AKAP12: variants seen among roughly 807,000 people sequenced by gnomAD.
The protein encoded by AKAP12 is A-kinase anchoring protein 12.
In AKAP12, 32 loss-of-function variants were observed where a neutral mutation model predicts 79.9. That is an observed-to-expected ratio of 0.40 (90% CI 0.30 to 0.54). The LOEUF (loss-of-function observed/expected upper bound fraction) is 0.54. Among genes scored for constraint, AKAP12 ranks in the 20% least tolerant of loss-of-function variants. The probability of loss-of-function intolerance (pLI) is 0.48; values close to 1 mark genes in which losing one functional copy is unlikely to be tolerated. For missense variants in AKAP12, 2,074 were observed against 2,177.0 expected (o/e 0.95, Z 0.94); for synonymous variants, 808 against 857.0 (o/e 0.94, Z 1.00).
At chr6:151,282,140 G>A (rs1776422247) in intron 2 of AKAP12, among the ~76,000 whole-genome samples, 1 of 151,990 alleles carries the variant, frequency 6.6e-6, no homozygotes, top group African/African-American at 2.4e-5. Flanking sequence ...CTGGAATGCA[G>A]TGGTGCTATC....
At chr6:151,302,093 C>T (rs1197003350) in intron 2 of AKAP12, among the ~76,000 whole-genome samples, 2 of 151,492 alleles carry the variant, frequency 1.3e-5, no homozygotes, top group Admixed American at 1.3e-4. Context: ...TCGCTGCAAC[C>T]TCCGCCTCCC....
chr6:151,258,926 CTGTGTGTGTGTG>C, intron 2 of AKAP12, among the ~76,000 whole-genome samples: 1 of 148,070 alleles, frequency 6.8e-6, no homozygotes, highest in Non-Finnish European at 1.5e-5. Context: ...TGTGCCCAGC[CTGTGTGTGTGTG>C]TGTGTGTGTG....
At position 151,261,286 on chromosome 6, in the gene AKAP12, C is replaced by T. The variant is rs555465915; in HGVS notation, c.162+20562C>T. ...TCTCAGGAGGCTGAGGCAGGAGAAT[C>T]GTTTGAACCGGGAGGCAGAGGTTGC... is the stretch of plus-strand genomic sequence containing the variant. On this transcript the variant is annotated intron_variant, in intron 2 of 4. Coordinates refer to ENST00000402676, the MANE Select transcript of AKAP12 (RefSeq NM_005100.4). Among the ~76,000 whole-genome samples, 259 of 151,730 alleles carry T rather than the reference C, an allele frequency of 1.7e-3. 1 individual carries two copies. The highest frequency in any genetic ancestry group is 5.7e-3 in the South Asian group (27 of 4,778).
intron 3 of AKAP12, among the ~76,000 whole-genome samples, chr6:151,321,049 CGA>C (rs1045294063): frequency 2.0e-5 from 3 of 151,482 alleles, no homozygotes; most frequent in Admixed American, 1.3e-4. Context: ...TGCAATGACG[CGA>C]TCTCAGCTCA....
At chr6:151,299,824 T>G (rs758317214) in intron 2 of AKAP12, among the ~76,000 whole-genome samples, 26 of 152,096 alleles carry the variant, frequency 1.7e-4, no homozygotes, top group Admixed American at 8.5e-4. Flanking sequence ...AGACTGGGTT[T>G]CAGTTTGTTG....
At chr6:151,291,343 G>C (rs9397044) in intron 2 of AKAP12, among the ~76,000 whole-genome samples, 11,848 of 152,238 alleles carry the variant, frequency 0.078, 618 homozygotes, top group East Asian at 0.17. Flanking sequence ...CTGATGAGTG[G>C]CTTAGCTGAG....
intron 3 of AKAP12, among the ~76,000 whole-genome samples, chr6:151,345,570 G>A (rs979918263): frequency 1.3e-5 from 2 of 150,792 alleles, no homozygotes; most frequent in African/African-American, 2.4e-5. Flanking sequence ...TGAGGTGGGC[G>A]GATCACCTGA....
At chr6:151,333,584 C>T (rs1421545125) in intron 3 of AKAP12, among the ~76,000 whole-genome samples, 1 of 151,842 alleles carries the variant, frequency 6.6e-6, no homozygotes, top group Non-Finnish European at 1.5e-5. Flanking sequence ...AACTCTGTTT[C>T]TACTAAAAAT....
chr6:151,349,313 C>T lies in AKAP12; in HGVS notation c.922C>T (p.Arg308Cys), dbSNP rs759658755. The T allele has an allele frequency of 2.2e-5, 35 of 1,613,458 alleles. No homozygotes were observed. In the South Asian group the frequency reaches 2.3e-4, roughly 11 times the overall value. Residue 308 changes from arginine to cysteine, a missense_variant, in exon 4 of 5, where the codon CGC (arginine) becomes TGC (cysteine). Around this residue, in one of 3 missense-constraint regions of AKAP12, gnomAD observed 1,428 missense variants for 1,451.0 expected, o/e 0.98. Transcript: ENST00000402676. ...CTTCACTCAAGGTTGGGCCGGCTGG[C>T]GCAAAAAGACCAGTTTCAGGAAGCC... ...KFFTQGWAGW[R>C]KKTSFRKPKE...
chr6:151,304,177 A>G (rs1163381140), intron 2 of AKAP12, among the ~76,000 whole-genome samples: 1 of 152,062 alleles, frequency 6.6e-6, no homozygotes, highest in Non-Finnish European at 1.5e-5. Flanking sequence ...TTTTACCTAT[A>G]TTCTCAGGAT....
intron 3 of AKAP12, among the ~76,000 whole-genome samples, chr6:151,309,269 A>G (rs570483977): frequency 1.2e-4 from 19 of 152,362 alleles, no homozygotes; most frequent in Middle Eastern, 3.4e-3. Flanking sequence ...GGCATGTGAC[A>G]CTGACCTGTA....
intron 2 of AKAP12, among the ~76,000 whole-genome samples, chr6:151,259,950 A>G (rs1477945447): frequency 6.6e-6 from 1 of 150,446 alleles, no homozygotes; most frequent in Non-Finnish European, 1.5e-5. Flanking sequence ...AATGAAGGAC[A>G]TGGGATTGGA....
chr6:151,293,484 G>T (rs1375035424), intron 2 of AKAP12, among the ~76,000 whole-genome samples: 3 of 152,160 alleles, frequency 2.0e-5, no homozygotes, highest in Admixed American at 2.0e-4. Context: ...AGTCAAGATG[G>T]TAATTAATTT....
chr6:151,337,185 G>A (rs1265711295), intron 3 of AKAP12, among the ~76,000 whole-genome samples: 1 of 151,980 alleles, frequency 6.6e-6, no homozygotes, highest in Non-Finnish European at 1.5e-5. Context: ...AATTCCGAGT[G>A]CATTCTTCCA....
intron 2 of AKAP12, among the ~76,000 whole-genome samples, chr6:151,251,962 A>G (rs1437054933): frequency 6.6e-6 from 1 of 152,152 alleles, no homozygotes; most frequent in African/African-American, 2.4e-5. Flanking sequence ...GCTCTGCTGC[A>G]CTTCAGCCCG....
intron 2 of AKAP12, among the ~76,000 whole-genome samples, chr6:151,287,245 CT>C (rs1320778891): frequency 2.0e-5 from 3 of 151,616 alleles, no homozygotes; most frequent in East Asian, 1.9e-4. Context: ...GGTCTATTTT[CT>C]TTTTTTTATT....
rs1285947555 is a variant in AKAP12 at position 151,350,235 on chromosome 6, A to C, written c.1844A>C (p.Lys615Thr). The change falls in exon 4 of 5, where the codon AAG (lysine) becomes ACG (threonine). Residue 615 changes from lysine to threonine, a missense_variant. Coordinates refer to ENST00000402676, the MANE Select transcript of AKAP12 (RefSeq NM_005100.4). This position sits in a 1 kb window ranked among gnomAD's most constrained non-coding sequence, Gnocchi z 4.8. ...EGVTPWASFKKMVTPKKRVRR... is the reference protein window; with the variant it reads ...EGVTPWASFKTMVTPKKRVRR... ...GTCACTCCCTGGGCATCATTCAAAA[A>C]GATGGTGACGCCCAAGAAGCGTGTT... 6.2e-7 allele frequency: 1 copy of C among 1,614,108 alleles called. No individual in the cohort carries two copies. The highest frequency in any genetic ancestry group is 1.7e-5 in the Admixed American group (1 of 60,020).
chr6:151,248,306 T>A (rs1387909241), intron 2 of AKAP12, among the ~76,000 whole-genome samples: 2 of 151,134 alleles, frequency 1.3e-5, no homozygotes, highest in Non-Finnish European at 2.9e-5. Flanking sequence ...TCTCACTGTG[T>A]TTCCCAGGCT....
At chr6:151,255,982 G>A (rs1436613382) in intron 2 of AKAP12, among the ~76,000 whole-genome samples, 1 of 151,968 alleles carries the variant, frequency 6.6e-6, no homozygotes, top group Non-Finnish European at 1.5e-5. Flanking sequence ...ACTTAAACAT[G>A]CTCATGTACC....
Sources: gnomAD v4.1 joint callset for allele counts (sites outside exome capture counted in the v4.1 genomes callset) on GRCh38, gnomAD v4.1.1 for gene constraint, gnomAD v4.1.1 regional missense constraint, Gnocchi (gnomAD v3.1) non-coding constraint, MANE v1.5 for transcripts, NCBI Gene and HGNC (gene_info 2026-07-23, HGNC 2026-07-21) for gene names.